SERAC1: variants seen among roughly 807,000 people sequenced by gnomAD.
SERAC1 encodes protein SERAC1.
Under a neutral mutation model 85.7 loss-of-function variants are expected in SERAC1, and 36 were observed. That is an observed-to-expected ratio of 0.42 (90% confidence interval 0.32 to 0.55). SERAC1 has a LOEUF of 0.55. SERAC1 is among the 20% of genes least tolerant of loss of function. SERAC1 has a pLI of 0.11. For missense variants in SERAC1, 629 were observed against 796.2 expected, an observed-to-expected ratio of 0.79 and a Z score of 2.53; for synonymous variants, 242 against 265.3, an observed-to-expected ratio of 0.91 and a Z score of 0.85.
At chr6:158,131,572 C>T (rs1443494124) in intron 8 of SERAC1, among the ~76,000 whole-genome samples, 1 of 151,454 alleles carries the variant, frequency 6.6e-6, no homozygotes, top group African/African-American at 2.4e-5. Flanking sequence ...TGAAAGGACA[C>T]TAAGAAGCTA....
In SERAC1 at chr6:158,117,973, G is replaced by A. The variant is rs953334515; in HGVS notation, c.1309-152C>T. 2.1e-5 allele frequency: 13 copies of A among 630,204 alleles called. No homozygotes were observed. The African/African-American group carries it at 2.4e-4, about 12-fold the overall frequency. The allele number at this position is 630,204 out of a possible 1,614,324, so 39.0% of individuals were successfully genotyped here. On this transcript the variant is annotated intron_variant, in intron 12 of 16. Coordinates refer to ENST00000647468, the MANE Select transcript of SERAC1 (RefSeq NM_032861.4). This position sits in a 1 kb window ranked among gnomAD's most constrained non-coding sequence, Gnocchi z 4.3. Reference sequence around the variant, plus strand: ...TGAAGGTACCGTAAAAACAATTCCAGCACTATCTTTTCAAGTCTCTGGTCT... The same window carrying A: ...TGAAGGTACCGTAAAAACAATTCCAACACTATCTTTTCAAGTCTCTGGTCT...
At chr6:158,160,863 CAAAAG>C (rs1785471655) in intron 1 of SERAC1, 1 of 152,036 alleles carries the variant, frequency 6.6e-6, no homozygotes, top group African/African-American at 2.4e-5. Context: ...TTAAACATCC[CAAAAG>C]AAGTCATTTT....
In SERAC1 at chr6:158,117,780, A is replaced by AGAT; in HGVS notation, c.1347_1349dup (p.Ser450dup). 6.2e-7 allele frequency: 1 copy of AGAT among 1,614,154 alleles called. No individual in the cohort carries two copies. The highest frequency in any genetic ancestry group is 8.5e-7 in the Non-Finnish European group (1 of 1,179,998). On this transcript the variant is annotated inframe_insertion, in exon 13 of 17. Transcript: ENST00000647468. This position sits in a 1 kb window ranked among gnomAD's most constrained non-coding sequence, Gnocchi z 4.3. Reference sequence around the variant, plus strand: ...CGCTGAGGCTGGTGTCATACTCCACAGATATAATTCGGAGAGCAGGACAGT... The same window carrying AGAT: ...CGCTGAGGCTGGTGTCATACTCCACAGATGATATAATTCGGAGAGCAGGACAGT...
chr6:158,146,569 T>G, intron 6 of SERAC1: 1 of 396,414 alleles, frequency 2.5e-6, no homozygotes, highest in East Asian at 6.2e-5. Context: ...CCACCATGCC[T>G]GGCTAATTTT....
Position 158,149,271 on chromosome 6 carries a change from C to T in SERAC1, c.266-317G>A, listed in dbSNP as rs1188312146. Among the ~76,000 whole-genome samples, 7 of 152,328 alleles carry T rather than the reference C, an allele frequency of 4.6e-5. No individual in the cohort carries two copies. In the East Asian group the frequency reaches 7.7e-4, roughly 17 times the overall value. ...CCTCCCAAAGTGCTGGGATTACAGGCGTGAGCCATCACACCCGGCCCAAGA... is the reference window on the plus strand; with the variant it reads ...CCTCCCAAAGTGCTGGGATTACAGGTGTGAGCCATCACACCCGGCCCAAGA... On this transcript the variant is annotated intron_variant, in intron 4 of 16. Transcript: ENST00000647468.
chr6:158,114,525 A>C, intron 15 of SERAC1: 1 of 1,204,224 alleles, frequency 8.3e-7, no homozygotes, highest in Non-Finnish European at 1.0e-6. Flanking sequence ...TAAAAGCAAA[A>C]CATTATCTGA....
chr6:158,154,805 T>C (rs1199815484), intron 3 of SERAC1, among the ~76,000 whole-genome samples: 2 of 152,176 alleles, frequency 1.3e-5, no homozygotes, highest in African/African-American at 4.8e-5. Context: ...CTTTAGAACC[T>C]AATACCAGAT....
chr6:158,124,833 T>G (rs1784505047), intron 10 of SERAC1, among the ~76,000 whole-genome samples: 1 of 151,544 alleles, frequency 6.6e-6, no homozygotes, highest in Non-Finnish European at 1.5e-5. Context: ...AGATACCTTT[T>G]CCTGGACATA....
At position 158,147,407 on chromosome 6, in the gene SERAC1, T is replaced by C. The variant is rs138344438; in HGVS notation, c.356-494A>G. Among the ~76,000 whole-genome samples the C allele has an allele frequency of 5.2e-3, 793 of 152,092 alleles. 12 individuals carry two copies. Among genetic ancestry groups the C allele is most frequent in the African/African-American group, 0.017 (707 of 41,490 alleles). ...CTGGTGTCTTTCATATGTGGTCATT[T>C]TTAAAATCTTTTTCTCCCCAAAACT... On this transcript the variant is annotated intron_variant, in intron 5 of 16. Transcript: ENST00000647468.
At chr6:158,145,963 C>T (rs750552972) in intron 6 of SERAC1, 2 of 152,048 alleles carry the variant, frequency 1.3e-5, no homozygotes, top group South Asian at 2.1e-4. Context: ...GATTTTTAAA[C>T]ACAATTACAT....
chr6:158,126,364 G>A (rs1025833250), intron 10 of SERAC1, among the ~76,000 whole-genome samples: 1 of 110,146 alleles, frequency 9.1e-6, no homozygotes, highest in African/African-American at 3.7e-5. Context: ...ACATGGGCCA[G>A]TTTGCTGGGG....
chr6:158,114,721 CTT>C (rs763347735), intron 15 of SERAC1, 66 bp downstream of exon 15: 8 of 607,032 alleles, frequency 1.3e-5, no homozygotes, highest in Non-Finnish European at 9.4e-6. Flanking sequence ...AAGGAAGAAA[CTT>C]TTTCTTCTTC....
intron 8 of SERAC1, among the ~76,000 whole-genome samples, chr6:158,142,567 C>T (rs1411739507): frequency 6.6e-6 from 1 of 151,974 alleles, no homozygotes; most frequent in Non-Finnish European, 1.5e-5. Flanking sequence ...ACCTCCGCCT[C>T]CCGGGTTCAA....
intron 15 of SERAC1, among the ~76,000 whole-genome samples, chr6:158,113,893 C>A (rs1784209545): frequency 6.6e-6 from 1 of 152,034 alleles, no homozygotes; most frequent in Non-Finnish European, 1.5e-5. Context: ...ATGATGGCAC[C>A]ACAACACCCA....
At chr6:158,160,748 T>C (rs2128425592) in intron 1 of SERAC1, among the ~76,000 whole-genome samples, 1 of 152,340 alleles carries the variant, frequency 6.6e-6, no homozygotes, top group East Asian at 1.9e-4. Context: ...ATGTGCTATA[T>C]AGTATGAATT....
chr6:158,156,864 TAA>T (rs1038363812), intron 2 of SERAC1, among the ~76,000 whole-genome samples: 1 of 99,206 alleles, frequency 1.0e-5, no homozygotes, highest in African/African-American at 3.7e-5. Flanking sequence ...TAATAAATAT[TAA>T]TATATTTATA....
chr6:158,127,350 C>G (rs1583572036), intron 10 of SERAC1, among the ~76,000 whole-genome samples: 1 of 10,078 alleles, frequency 9.9e-5, no homozygotes, highest in Non-Finnish European at 2.1e-4. Flanking sequence ...GCCCGGCCAG[C>G]CGCCCCGTCC....
intron 9 of SERAC1, among the ~76,000 whole-genome samples, chr6:158,129,539 T>C (rs1295373477): frequency 6.6e-6 from 1 of 152,244 alleles, no homozygotes; most frequent in Admixed American, 6.5e-5. Flanking sequence ...GTGATGTTTC[T>C]GCACTATGAG....
chr6:158,147,224 G>A (rs13198418), intron 5 of SERAC1, among the ~76,000 whole-genome samples: 11 of 151,482 alleles, frequency 7.3e-5, no homozygotes, highest in African/African-American at 2.4e-4. Context: ...CTGCAGCTTC[G>A]ACCTCTTGGG....
Sources: gnomAD v4.1 joint callset for allele counts (sites outside exome capture counted in the v4.1 genomes callset) on GRCh38, gnomAD v4.1.1 for gene constraint, Gnocchi (gnomAD v3.1) non-coding constraint, MANE v1.5 for transcripts, NCBI Gene and HGNC (gene_info 2026-07-23, HGNC 2026-07-21) for gene names.